Variants in FAM13C observed in about 807,000 individuals in gnomAD.
FAM13C encodes the protein protein FAM13C.
Under a neutral mutation model 73.2 loss-of-function variants are expected in FAM13C, and 37 were observed. The ratio of observed to expected loss-of-function variants is 0.51; its 90% CI spans 0.39 to 0.67. FAM13C has a LOEUF of 0.67. Ranked by LOEUF, FAM13C falls within the 30% of genes least tolerant of loss-of-function variation. FAM13C has a pLI of 0.00. For synonymous variants in FAM13C, 246 were observed against 260.9 expected (o/e 0.94, Z 0.55); for missense variants, 589 against 715.6 (o/e 0.82, Z 2.02).
At chr10:59,318,390 G>C (rs1324867396) in intron 4 of FAM13C, among the ~76,000 whole-genome samples, 1 of 151,938 alleles carries the variant, frequency 6.6e-6, no homozygotes, top group Non-Finnish European at 1.5e-5. Flanking sequence ...CAGGGGAGGG[G>C]GAATTATTTT....
chr10:59,294,822 G>A (rs1208543758), intron 5 of FAM13C, among the ~76,000 whole-genome samples: 2 of 152,188 alleles, frequency 1.3e-5, no homozygotes, highest in African/African-American at 2.4e-5. Context: ...ACCTTGGTAG[G>A]GGAGCAAGGT....
chr10:59,318,638 A>G (rs1171410513), intron 4 of FAM13C, among the ~76,000 whole-genome samples: 1 of 151,680 alleles, frequency 6.6e-6, no homozygotes. Context: ...CTTTCCTTCC[A>G]CCAGGTTGTT....
intron 5 of FAM13C, among the ~76,000 whole-genome samples, chr10:59,301,691 G>A (rs1456210403): frequency 2.0e-5 from 3 of 152,308 alleles, no homozygotes; most frequent in African/African-American, 4.8e-5. Flanking sequence ...AGACAGCTGC[G>A]TTCACTGATT....
chr10:59,331,425 G>C (rs555548554), intron 3 of FAM13C, among the ~76,000 whole-genome samples: 19 of 152,184 alleles, frequency 1.2e-4, no homozygotes, highest in Non-Finnish European at 2.1e-4. Context: ...TATTTTTAGA[G>C]TGAGAGTCAA....
chr10:59,331,560 C>T lies in FAM13C; in HGVS notation c.325-7454G>A, dbSNP rs76059654. The stretch of plus-strand genomic sequence containing the variant: ...GCTTTATTCCATTGGCAATGGCAAG[C>T]CACTGAATATTATAAGTAAGGCATG... On this transcript the variant is annotated intron_variant, in intron 3 of 13. Transcript: ENST00000618804. Among the ~76,000 whole-genome samples, 1,510 of 152,144 alleles carry T rather than the reference C, an allele frequency of 9.9e-3. 13 individuals carry two copies. Among genetic ancestry groups the T allele is most frequent in the Non-Finnish European group, 0.016 (1,071 of 68,018 alleles).
intron 3 of FAM13C, 39 bp downstream of exon 3, chr10:59,352,231 A>G (rs1458171256): frequency 1.2e-6 from 2 of 1,608,496 alleles, no homozygotes; most frequent in Non-Finnish European, 1.7e-6. Flanking sequence ...CCTAAGAATC[A>G]CCCGTCTTGG....
intron 5 of FAM13C, among the ~76,000 whole-genome samples, chr10:59,292,024 G>A (rs917035128): frequency 2.6e-5 from 4 of 151,940 alleles, no homozygotes; most frequent in African/African-American, 9.7e-5. Flanking sequence ...TCCTGACCTC[G>A]TGGTCCGCCC....
chr10:59,255,197 A>G (rs953536221), intron 10 of FAM13C, among the ~76,000 whole-genome samples: 1 of 152,194 alleles, frequency 6.6e-6, no homozygotes, highest in Non-Finnish European at 1.5e-5. Context: ...AGGCTGTGAT[A>G]TCAACTAAAT....
chr10:59,309,848 T>C (rs1458963052), intron 4 of FAM13C, among the ~76,000 whole-genome samples: 1 of 152,224 alleles, frequency 6.6e-6, no homozygotes, highest in Non-Finnish European at 1.5e-5. Flanking sequence ...GGCACTCATA[T>C]GTTTGTAAAT....
intron 5 of FAM13C, among the ~76,000 whole-genome samples, chr10:59,293,224 C>A (rs1054261067): frequency 6.7e-5 from 10 of 149,216 alleles, no homozygotes; most frequent in Non-Finnish European, 1.5e-4. Flanking sequence ...CAGGCGCCCA[C>A]CACCATGCCC....
chr10:59,304,331 C>A (rs938139703), intron 4 of FAM13C, among the ~76,000 whole-genome samples: 8 of 152,032 alleles, frequency 5.3e-5, no homozygotes, highest in Non-Finnish European at 7.4e-5. Context: ...TCAATAAGTT[C>A]TTTTGCTATG....
chr10:59,360,795 G>C (rs927357865), intron 1 of FAM13C, among the ~76,000 whole-genome samples: 1 of 148,498 alleles, frequency 6.7e-6, no homozygotes, highest in Non-Finnish European at 1.5e-5. Context: ...ACTCCTTGGG[G>C]AGTGTCCAAA....
intron 12 of FAM13C, 72 bp from the exon 13 acceptor site, chr10:59,251,748 T>A: frequency 8.5e-7 from 1 of 1,182,424 alleles, no homozygotes; most frequent in Non-Finnish European, 1.2e-6. Flanking sequence ...CAGATTTATC[T>A]GTTCAGCCAA....
chr10:59,334,278 G>A (rs1167740955), intron 3 of FAM13C, among the ~76,000 whole-genome samples: 1 of 152,042 alleles, frequency 6.6e-6, no homozygotes. Flanking sequence ...CTATAATAAA[G>A]CAAATCCTGA....
At chr10:59,315,175 C>T (rs568661347) in intron 4 of FAM13C, among the ~76,000 whole-genome samples, 43 of 152,088 alleles carry the variant, frequency 2.8e-4, no homozygotes, top group Non-Finnish European at 5.1e-4. Flanking sequence ...AATAGGGGAT[C>T]GCTAGCAGGG....
At chr10:59,249,976 G>A (rs1199703662) in intron 13 of FAM13C, among the ~76,000 whole-genome samples, 5 of 152,192 alleles carry the variant, frequency 3.3e-5, no homozygotes, top group South Asian at 2.1e-4. Flanking sequence ...AACCCCTTAC[G>A]ATAGATTCCT....
chr10:59,261,378 T>C (rs1351632481), intron 10 of FAM13C, among the ~76,000 whole-genome samples: 1 of 152,172 alleles, frequency 6.6e-6, no homozygotes, highest in East Asian at 1.9e-4. Context: ...CAGGGGCATA[T>C]GTTGAGCCTT....
intron 3 of FAM13C, 34 bp from the exon 4 acceptor site, chr10:59,324,140 T>C (rs767337380): frequency 9.2e-6 from 14 of 1,526,616 alleles, no homozygotes; most frequent in Non-Finnish European, 1.2e-5. Context: ...AGATGAGCTG[T>C]CAACAGCAAT....
At chr10:59,315,073 G>A (rs868133796) in intron 4 of FAM13C, among the ~76,000 whole-genome samples, 44 of 152,052 alleles carry the variant, frequency 2.9e-4, no homozygotes, top group African/African-American at 1.1e-3. Context: ...AGATTCAATT[G>A]TTACTAAATA....
Sources: allele counts gnomAD v4.1 joint callset (sites outside exome capture counted in the v4.1 genomes callset), GRCh38; gene constraint gnomAD v4.1.1; transcripts MANE v1.5; gene names NCBI Gene and HGNC (gene_info 2026-07-23, HGNC 2026-07-21).